LMNTD2: variants seen among roughly 807,000 people sequenced by gnomAD.
LMNTD2 encodes the protein lamin tail domain-containing protein 2.
Under a neutral mutation model 70.1 loss-of-function variants are expected in LMNTD2, and 83 were observed. The observed-to-expected ratio is 1.18, with a 90% CI of 0.99 to 1.42. The LOEUF is 1.42. LMNTD2 is among the 40% of genes most tolerant of loss of function. The pLI is 0.00. For synonymous variants in LMNTD2, 534 were observed against 406.1 expected, an observed-to-expected ratio of 1.31 and a Z score of -3.79; for missense variants, 1,153 against 905.9, an observed-to-expected ratio of 1.27 and a Z score of -3.50.
In LMNTD2 at chr11:555,094, C is replaced by CA. The variant is rs747456652; in HGVS notation, c.1790dup (p.Asp598GlyfsTer3). The CA allele has an allele frequency of 3.2e-5, 49 of 1,522,726 alleles. No homozygotes were observed. The highest frequency in any genetic ancestry group is 2.4e-4 in the Admixed American group (12 of 50,920). The allele number at this position is 1,522,726 out of a possible 1,614,324, so 94.3% of individuals were successfully genotyped here. On this transcript the variant is annotated frameshift_variant, in exon 14 of 14. Transcript: ENST00000329451. LOFTEE classifies it low-confidence loss of function (END_TRUNC). ...GGGCCACCAGGGGGCAGCTACGGTCCACGCTCTTCCGGCACACCTGGGGGG... is the reference window on the plus strand; with the variant it reads ...GGGCCACCAGGGGGCAGCTACGGTCCAACGCTCTTCCGGCACACCTGGGGGG...
intron 1 of LMNTD2, 152 bp from the exon 2 acceptor site, chr11:559,131 C>T (rs563863160): frequency 8.9e-5 from 131 of 1,474,858 alleles, no homozygotes; most frequent in Non-Finnish European, 1.1e-4. Context: ...GCAGCCCAGG[C>T]GTCACCACTT....
At chr11:559,362 C>A (rs1853136214) in intron 1 of LMNTD2, 1 of 1,339,650 alleles carries the variant, frequency 7.5e-7, no homozygotes, top group African/African-American at 1.5e-5. Flanking sequence ...GCCCGACCTC[C>A]AAGCAGGCCT....
rs767781764 is a variant in LMNTD2 at position 557,926 on chromosome 11, C to T, written c.513G>A (p.Ser171=). Residue 171 remains serine (S), a synonymous_variant, in exon 5 of 14, where the codon TCG becomes TCA. Coordinates refer to ENST00000329451, the MANE Select transcript of LMNTD2 (RefSeq NM_173573.3). ...GGGATCGTAGCATGCGGCCCACCCA[C>T]GAGGAGCGGGCCAGCTGCAGGAGGC... ...KSCLLQLARS[S]WVGRMLRSQT... 33 of 1,589,224 alleles carry T rather than the reference C, an allele frequency of 2.1e-5. No individual in the cohort carries two copies. The highest frequency in any genetic ancestry group is 1.5e-4 in the African/African-American group (11 of 74,552).
Position 555,901 on chromosome 11 carries a change from G to A in LMNTD2, c.1407C>T (p.Arg469=), listed in dbSNP as rs1852830271. The A allele has an allele frequency of 3.2e-6, 5 of 1,566,500 alleles. No individual in the cohort carries two copies. In the East Asian group the frequency reaches 1.0e-4, roughly 32 times the overall value. The change falls in exon 12 of 14, where the codon CGC becomes CGT. Residue 469 remains arginine (R), a synonymous_variant. Coordinates refer to ENST00000329451, the MANE Select transcript of LMNTD2 (RefSeq NM_173573.3). The part of the protein sequence containing the change: ...EVLSEHRIPR[R]ETPAPRVFAD... Reference sequence around the variant, plus strand: ...CGAAGACCCTCGGGGCCGGAGTCTCGCGGCGTGGGATCCGGTGCTCACTGA... The same window carrying A: ...CGAAGACCCTCGGGGCCGGAGTCTCACGGCGTGGGATCCGGTGCTCACTGA...
rs185418838 is a variant in LMNTD2 at position 556,900 on chromosome 11, C to T, written c.911G>A (p.Arg304Gln). 2.3e-5 allele frequency: 36 copies of T among 1,593,780 alleles called. No individual in the cohort carries two copies. The highest frequency in any genetic ancestry group is 8.6e-5 in the Admixed American group (5 of 57,950). The change falls in exon 8 of 14, where the codon CGG (arginine) becomes CAG (glutamine). Residue 304 changes from arginine (R) to glutamine (Q), a missense_variant. Transcript: ENST00000329451. ...SFVQVIGHPP[R>Q]DHRASSEQAL... The stretch of plus-strand genomic sequence containing the variant: ...TTGCTCGGAGGAAGCGCGGTGGTCC[C>T]GGGGCGGGTGCCCTATCACCTGCAC...
intron 3 of LMNTD2, 101 bp from the exon 4 acceptor site, chr11:558,349 A>C (rs149000348): frequency 5.9e-6 from 8 of 1,349,068 alleles, no homozygotes; most frequent in African/African-American, 1.4e-5. Flanking sequence ...CTCCACTGCC[A>C]CCTTGGCCCC....
chr11:554,929 C>A lies in LMNTD2; in HGVS notation c.*51G>T, dbSNP rs1158604113. The A allele has an allele frequency of 5.1e-6, 7 of 1,381,356 alleles. No individual in the cohort carries two copies. Among genetic ancestry groups the A allele is most frequent in the Non-Finnish European group, 6.7e-6 (7 of 1,049,434 alleles). The allele number at this position is 1,381,356 out of a possible 1,614,324, so 85.6% of individuals were successfully genotyped here. ...TGCAGCGGACACAGCCCGCCCAGCC[C>A]CGGCGCCCGCCCGCGCCCTCCCTCG... On this transcript the variant is annotated 3_prime_UTR_variant, in exon 14 of 14. Coordinates refer to ENST00000329451, the MANE Select transcript of LMNTD2 (RefSeq NM_173573.3).
Position 558,625 on chromosome 11 carries a change from A to G in LMNTD2, c.300T>C (p.Leu100=), listed in dbSNP as rs776831085. Residue 100 remains leucine, a synonymous_variant, in exon 3 of 14, where the codon CTT becomes CTC. Coordinates refer to ENST00000329451, the MANE Select transcript of LMNTD2 (RefSeq NM_173573.3). The stretch of plus-strand genomic sequence containing the variant: ...ACTGTGCTGCAGACCTCTTGGGCGG[A>G]AGCCCCGCCACCTCTTCCAGGATGT... ...LCHILEEVAG[L]PPKRSSHSQE... 6.2e-7 allele frequency: 1 copy of G among 1,605,892 alleles called. No individual in the cohort carries two copies. The highest frequency in any genetic ancestry group is 1.3e-5 in the African/African-American group (1 of 74,782).
At chr11:557,668 G>A in intron 5 of LMNTD2, 28 bp from the exon 6 acceptor site, 1 of 1,612,978 alleles carries the variant, frequency 6.2e-7, no homozygotes, top group Non-Finnish European at 8.5e-7. Context: ...AAGCCAGTGG[G>A]CAGGGGCTGG....
chr11:556,757 G>A (rs1368615945), intron 8 of LMNTD2, 78 bp downstream of exon 8: 4 of 1,459,058 alleles, frequency 2.7e-6, no homozygotes, highest in Admixed American at 2.5e-5. Flanking sequence ...GCCACCTCCA[G>A]GGCTCTGAGT....
In LMNTD2 at chr11:557,577, C is replaced by G. The variant is rs146558617; in HGVS notation, c.619G>C (p.Gly207Arg). The G allele has an allele frequency of 2.4e-5, 38 of 1,613,276 alleles. 1 individual carries two copies. The highest frequency in any genetic ancestry group is 5.5e-5 in the South Asian group (5 of 91,088). ...DLSENIQAPT[G>R]EGFRLEDVDW... ...ACGTGGGAGGCCTAGCTCACCTCCC[C>G]GGTGGGGGCCTGAATGTTTTCAGAG... Residue 207 changes from glycine (G) to arginine (R), a missense_variant, in exon 6 of 14, where the codon GGG becomes CGG. By Grantham distance (125) the Gly-to-Arg change is moderately radical. Transcript: ENST00000329451.
Position 556,255 on chromosome 11 carries a change from G to T in LMNTD2, c.1194C>A (p.Gly398=). ...GGAAGCGGTACAGGCGCTCCGGGAA[G>T]CCGCGCACCAGCTGCTTCAGCACCA... ...SGMVLKQLVR[G]FPERLYRFPP... is the part of the protein sequence containing the mutation. Residue 398 remains glycine (G), a synonymous_variant, in exon 10 of 14, where the codon GGC becomes GGA. Coordinates refer to ENST00000329451, the MANE Select transcript of LMNTD2 (RefSeq NM_173573.3). The T allele has an allele frequency of 6.5e-7, 1 of 1,530,710 alleles. No individual in the cohort carries two copies. Among genetic ancestry groups the T allele is most frequent in the Non-Finnish European group, 8.7e-7 (1 of 1,144,580 alleles). 94.8% of individuals were successfully genotyped at this position (1,530,710 alleles called of 1,614,324 possible). A position where few individuals can be genotyped will look rare whatever the true frequency, so the allele number is the denominator to read the frequency against.
Position 560,666 on chromosome 11 carries a change from C to CG in LMNTD2, c.34+16dup. 5 of 1,419,984 alleles carry CG rather than the reference C, an allele frequency of 3.5e-6. No homozygotes were observed. Among genetic ancestry groups the CG allele is most frequent in the Non-Finnish European group, 4.6e-6 (5 of 1,076,968 alleles). The allele number at this position is 1,419,984 out of a possible 1,614,324, so 88.0% of individuals were successfully genotyped here. ...GCTGCTGAGGAAGTCGGCCCAGGAG[C>CG]GGGGCCAGACACCTACCCCGACGCC... On this transcript the variant is annotated intron_variant, in intron 1 of 13. Coordinates refer to ENST00000329451, the MANE Select transcript of LMNTD2 (RefSeq NM_173573.3).
chr11:555,080 G>C lies in LMNTD2; in HGVS notation c.1805C>G (p.Pro602Arg), dbSNP rs752900652. 5.7e-6 allele frequency: 9 copies of C among 1,574,690 alleles called. No homozygotes were observed. In the East Asian group the frequency reaches 9.8e-5, roughly 17 times the overall value. Residue 602 changes from proline to arginine, a missense_variant, in exon 14 of 14, where the codon CCC (proline) becomes CGC (arginine). Coordinates refer to ENST00000329451, the MANE Select transcript of LMNTD2 (RefSeq NM_173573.3). ...VCRKSVDRSC[P>R]LVALSVQNTA... ...GTTCTGCACCGACAGGGCCACCAGG[G>C]GGCAGCTACGGTCCACGCTCTTCCG...
chr11:556,931 A>C lies in LMNTD2; in HGVS notation c.880T>G (p.Ser294Ala), dbSNP rs536631561. The change falls in exon 8 of 14, where the codon TCC (serine) becomes GCC (alanine). Residue 294 changes from serine (S) to alanine (A), a missense_variant. Coordinates refer to ENST00000329451, the MANE Select transcript of LMNTD2 (RefSeq NM_173573.3). The stretch of plus-strand genomic sequence containing the variant: ...GGGTGCCCTATCACCTGCACGAAGG[A>C]AGGCAGGCCCGGCCGGCAGCTGCTG... ...DSSSCRPGLP[S>A]FVQVIGHPPR... 96 of 1,600,504 alleles carry C rather than the reference A, an allele frequency of 6.0e-5. No individual in the cohort carries two copies. Among genetic ancestry groups the C allele is most frequent in the Middle Eastern group, 5.0e-4 (3 of 6,028 alleles).
intron 12 of LMNTD2, 64 bp from the exon 13 acceptor site, chr11:555,567 C>G: frequency 7.6e-7 from 1 of 1,307,524 alleles, no homozygotes; most frequent in Non-Finnish European, 9.8e-7. Context: ...GAGGGCTCCG[C>G]GCCTGGGGCG....
rs779270259 is a variant in LMNTD2, at chr11:558,237, CTG to C, written c.321_322del (p.His107GlnfsTer93). ...CTGGTTCTGCAGGAGTTTCTCCTGA[CTG>C]TGGGAGCTCCTGGAGGAGGGGTGAC... is the stretch of plus-strand genomic sequence containing the variant. On this transcript the variant is annotated frameshift_variant, in exon 4 of 14. Coordinates refer to ENST00000329451, the MANE Select transcript of LMNTD2 (RefSeq NM_173573.3). LOFTEE classifies it high-confidence loss of function. 6.8e-6 allele frequency: 11 copies of C among 1,613,528 alleles called. No homozygotes were observed. Among genetic ancestry groups the C allele is most frequent in the Admixed American group, 5.0e-5 (3 of 60,024 alleles).
chr11:559,053 T>C, intron 1 of LMNTD2, 74 bp from the exon 2 acceptor site: 2 of 1,568,134 alleles, frequency 1.3e-6, no homozygotes, highest in South Asian at 2.2e-5. Context: ...TTCTCAATGT[T>C]CTTCGGGAGC....
chr11:555,324 T>A lies in LMNTD2; in HGVS notation c.1754A>T (p.Gln585Leu). 7.0e-7 allele frequency: 1 copy of A among 1,420,318 alleles called. No individual in the cohort carries two copies. The highest frequency in any genetic ancestry group is 9.2e-7 in the Non-Finnish European group (1 of 1,089,476). The allele number at this position is 1,420,318 out of a possible 1,614,324, so 88.0% of individuals were successfully genotyped here. A position where few individuals can be genotyped will look rare whatever the true frequency, so the allele number is the denominator to read the frequency against. The part of the protein sequence containing the change: ...AGLGLEDCRL[Q>L]KEHRVRVCRK... Reference sequence around the variant, plus strand: ...ACTCACCCGAACTCGGTGTTCTTTCTGGAGCCGACAGTCCTCCAGGCCCAG... The same window carrying A: ...ACTCACCCGAACTCGGTGTTCTTTCAGGAGCCGACAGTCCTCCAGGCCCAG... The change falls in exon 13 of 14, where the codon CAG becomes CTG. Residue 585 changes from glutamine to leucine, a missense_variant. Transcript: ENST00000329451.
Sources: gnomAD v4.1 joint callset for allele counts on GRCh38, gnomAD v4.1.1 for gene constraint, MANE v1.5 for transcripts, NCBI Gene and HGNC (gene_info 2026-07-23, HGNC 2026-07-21) for gene names.